CNTNAP4: variants seen among roughly 807,000 people sequenced by gnomAD.
CNTNAP4 encodes the protein contactin associated protein family member 4.
CNTNAP4 carries 98 observed loss-of-function variants against 148.4 expected under a neutral mutation model. That is an observed-to-expected ratio of 0.66 (90% CI 0.56 to 0.78). CNTNAP4 has a LOEUF of 0.78. Ranked by LOEUF, CNTNAP4 falls within the 30% of genes least tolerant of loss-of-function variation. CNTNAP4 has a pLI of 0.00. For missense variants in CNTNAP4, 1,935 were observed against 1,565.6 expected, an observed-to-expected ratio of 1.24 and a Z score of -3.98; for synonymous variants, 730 against 565.1, an observed-to-expected ratio of 1.29 and a Z score of -4.14.
chr16:76,548,514 C>T (rs541072726), intron 21 of CNTNAP4, among the ~76,000 whole-genome samples: 15 of 151,884 alleles, frequency 9.9e-5, no homozygotes, highest in African/African-American at 3.6e-4. Flanking sequence ...AGTCGTTTCT[C>T]TGTAATAGAA....
At chr16:76,410,909 G>C (rs1369520005) in intron 3 of CNTNAP4, among the ~76,000 whole-genome samples, 1 of 151,510 alleles carries the variant, frequency 6.6e-6, no homozygotes, top group Non-Finnish European at 1.5e-5. Context: ...TTCTCCCAGT[G>C]TCTAGCTTCT....
At chr16:76,307,929 G>A (rs1960671349) in intron 1 of CNTNAP4, among the ~76,000 whole-genome samples, 2 of 152,118 alleles carry the variant, frequency 1.3e-5, no homozygotes, top group African/African-American at 4.8e-5. Flanking sequence ...CCAAATGAAA[G>A]CTTAGGTCAA....
At chr16:76,434,162 C>T (rs1291270242) in intron 4 of CNTNAP4, among the ~76,000 whole-genome samples, 5 of 149,224 alleles carry the variant, frequency 3.4e-5, no homozygotes, top group Non-Finnish European at 7.4e-5. Context: ...ATTGAAATAT[C>T]GAATATATAT....
chr16:76,328,121 G>T (rs1200040315), intron 2 of CNTNAP4, among the ~76,000 whole-genome samples: 2 of 152,176 alleles, frequency 1.3e-5, no homozygotes, highest in Non-Finnish European at 2.9e-5. Flanking sequence ...CTCTACCTCT[G>T]AAGTGTAAGA....
intron 13 of CNTNAP4, among the ~76,000 whole-genome samples, chr16:76,491,794 T>C (rs1402855743): frequency 6.6e-6 from 1 of 152,208 alleles, no homozygotes; most frequent in African/African-American, 2.4e-5. Flanking sequence ...GCCCTTCATG[T>C]TCATCCATGT....
chr16:76,285,156 G>T (rs191301536), intron 1 of CNTNAP4, among the ~76,000 whole-genome samples: 1 of 151,870 alleles, frequency 6.6e-6, no homozygotes, highest in East Asian at 1.9e-4. Context: ...GATATGCTTG[G>T]GTGTTTTTTT....
intron 3 of CNTNAP4, among the ~76,000 whole-genome samples, chr16:76,361,933 G>T (rs2013487547): frequency 6.6e-6 from 1 of 152,110 alleles, no homozygotes; most frequent in Non-Finnish European, 1.5e-5. Context: ...GAAATGTTGA[G>T]TATCTTTTCA....
At chr16:76,338,392 C>T (rs1964195133) in intron 2 of CNTNAP4, among the ~76,000 whole-genome samples, 2 of 152,146 alleles carry the variant, frequency 1.3e-5, no homozygotes, top group Non-Finnish European at 2.9e-5. Flanking sequence ...TCCCTTTGCT[C>T]CCTTCACTCC....
intron 2 of CNTNAP4, among the ~76,000 whole-genome samples, chr16:76,353,754 T>C (rs1325598275): frequency 6.6e-6 from 1 of 152,170 alleles, no homozygotes; most frequent in African/African-American, 2.4e-5. Context: ...GCGTCTTCTC[T>C]TGTTAGTAGT....
chr16:76,436,742 A>C (rs1302971722), intron 4 of CNTNAP4, among the ~76,000 whole-genome samples: 2 of 152,054 alleles, frequency 1.3e-5, no homozygotes, highest in Non-Finnish European at 2.9e-5. Context: ...CAATGCATTA[A>C]TTTTGCCTAA....
Position 76,542,519 on chromosome 16 carries a change from A to G in CNTNAP4, c.3442+1729A>G, listed in dbSNP as rs537978617. Among the ~76,000 whole-genome samples the G allele has an allele frequency of 2.6e-5, 4 of 152,280 alleles. No homozygotes were observed. The East Asian group carries it at 7.7e-4, about 29-fold the overall frequency. ...ATCTACTTCCCTACAGATGGCTCTC[A>G]GCTTTGGGGGAGGTAAGCGTGCAGG... On this transcript the variant is annotated intron_variant, in intron 21 of 23. Transcript: ENST00000611870.
intron 2 of CNTNAP4, among the ~76,000 whole-genome samples, chr16:76,317,708 A>AGT (rs146648270): frequency 0.014 from 2,046 of 150,674 alleles, 33 homozygotes; most frequent in African/African-American, 0.042. Context: ...AATAGGTAAG[A>AGT]GTGTGTGTGT....
At chr16:76,352,432 A>G (rs999311407) in intron 2 of CNTNAP4, among the ~76,000 whole-genome samples, 1 of 152,150 alleles carries the variant, frequency 6.6e-6, no homozygotes, top group African/African-American at 2.4e-5. Flanking sequence ...CAGGAGCACC[A>G]GTGAGTCTTT....
chr16:76,558,218 T>C, intron 23 of CNTNAP4: 1 of 310,226 alleles, frequency 3.2e-6, no homozygotes, highest in Non-Finnish European at 5.9e-6. Flanking sequence ...GTTAATACCT[T>C]GTGTTAAATA....
At chr16:76,441,026 G>GTA (rs1447643592) in intron 4 of CNTNAP4, among the ~76,000 whole-genome samples, 1 of 152,086 alleles carries the variant, frequency 6.6e-6, no homozygotes, top group Non-Finnish European at 1.5e-5. Context: ...GCTCAAGAAG[G>GTA]TAAAGCGTTT....
At chr16:76,282,645 C>T (rs1958730295) in intron 1 of CNTNAP4, among the ~76,000 whole-genome samples, 1 of 151,886 alleles carries the variant, frequency 6.6e-6, no homozygotes, top group South Asian at 2.1e-4. Context: ...CATTTAAGCA[C>T]TGCCCACTAA....
chr16:76,442,770 A>G (rs1418359197), intron 4 of CNTNAP4, among the ~76,000 whole-genome samples: 2 of 152,100 alleles, frequency 1.3e-5, no homozygotes, highest in Non-Finnish European at 1.5e-5. Flanking sequence ...TCATGGTTCA[A>G]ACCCTTTCCA....
chr16:76,283,940 A>G (rs1473487045), intron 1 of CNTNAP4, among the ~76,000 whole-genome samples: 2 of 152,096 alleles, frequency 1.3e-5, no homozygotes, highest in Admixed American at 6.6e-5. Context: ...AGAAAAATGC[A>G]TCCAACATTG....
intron 2 of CNTNAP4, among the ~76,000 whole-genome samples, chr16:76,323,081 A>T (rs940778971): frequency 1.3e-5 from 2 of 152,084 alleles, no homozygotes; most frequent in Admixed American, 1.3e-4. Context: ...TCCTGACCTC[A>T]CGTGATCTGC....
Sources: allele counts gnomAD v4.1 joint callset (sites outside exome capture counted in the v4.1 genomes callset), GRCh38; gene constraint gnomAD v4.1.1; transcripts MANE v1.5; gene names NCBI Gene and HGNC (gene_info 2026-07-23, HGNC 2026-07-21).